Variants in ARIH1 observed in about 807,000 individuals in gnomAD.
ARIH1 encodes E3 ubiquitin-protein ligase ARIH1.
Under a neutral mutation model 85.0 loss-of-function variants are expected in ARIH1, and 8 were observed. The ratio of observed to expected loss-of-function variants is 0.09; its 90% CI spans 0.06 to 0.17. The LOEUF (loss-of-function observed/expected upper bound fraction) is 0.17, where lower values mean the gene tolerates loss of function less well. Ranked by LOEUF, ARIH1 falls within the 10% of genes least tolerant of loss-of-function variation. The pLI, the probability that ARIH1 is intolerant of heterozygous loss-of-function variation, is 1.00. For missense variants in ARIH1, 311 were observed against 718.1 expected, an observed-to-expected ratio of 0.43 and a Z score of 6.48; for synonymous variants, 238 against 253.6, an observed-to-expected ratio of 0.94 and a Z score of 0.59.
intron 3 of ARIH1, among the ~76,000 whole-genome samples, chr15:72,549,110 CA>C (rs2064142141): frequency 1.4e-5 from 2 of 142,100 alleles, no homozygotes; most frequent in South Asian, 4.4e-4. Context: ...TTTTTTGAGG[CA>C]GAGCCTTGCT....
In ARIH1 at chr15:72,584,334, A is replaced by T. The variant is rs888413683; in HGVS notation, c.*1042A>T. The T allele has an allele frequency of 6.6e-6, 1 of 152,144 alleles. No individual in the cohort carries two copies. Among genetic ancestry groups the T allele is most frequent in the Admixed American group, 6.5e-5 (1 of 15,280 alleles). The allele number at this position is 152,144 out of a possible 1,614,324, so 9.4% of individuals were successfully genotyped here. On this transcript the variant is annotated 3_prime_UTR_variant, in exon 14 of 14. Coordinates refer to ENST00000379887, the MANE Select transcript of ARIH1 (RefSeq NM_005744.5). The stretch of plus-strand genomic sequence containing the variant: ...TCCCCCTCCATGGCATCATGCCTCT[A>T]CCCAAGCCTTTGTGTGCCCATGTTA...
At position 72,474,684 on chromosome 15, in the gene ARIH1, G is replaced by C; in HGVS notation, c.45G>C (p.Glu15Asp). The change falls in exon 1 of 14, where the codon GAG becomes GAC. Residue 15 changes from glutamate (E) to aspartate (D), a missense_variant. This residue lies in a region of ARIH1 where 157 missense variants were observed against 185.1 expected (regional missense o/e 0.85). Transcript: ENST00000379887. ...ACAACTACGAGTTCGACGAGGACGA[G>C]GAGTGCAGTGAGGAGGACAGCGGCG... is the stretch of plus-strand genomic sequence containing the variant. ...EGYNYEFDED[E>D]ECSEEDSGAE... 3 of 1,576,592 alleles carry C rather than the reference G, an allele frequency of 1.9e-6. No individual in the cohort carries two copies. The East Asian group carries it at 7.4e-5, about 39-fold the overall frequency.
At chr15:72,508,787 G>A (rs897876952) in intron 1 of ARIH1, among the ~76,000 whole-genome samples, 4 of 150,462 alleles carry the variant, frequency 2.7e-5, no homozygotes, top group African/African-American at 9.8e-5. Context: ...TCCACGTCCC[G>A]GGTTCAAGCA....
In ARIH1 at chr15:72,504,270, G is replaced by T. The variant is rs570874111; in HGVS notation, c.376-13797G>T. On this transcript the variant is annotated intron_variant, in intron 1 of 13. Coordinates refer to ENST00000379887, the MANE Select transcript of ARIH1 (RefSeq NM_005744.5). ...GCGTTTTGCCATGTTGGCCAGGCTGGACTCGAGCTTCTGACCTCAGGTTAA... is the reference window on the plus strand; with the variant it reads ...GCGTTTTGCCATGTTGGCCAGGCTGTACTCGAGCTTCTGACCTCAGGTTAA... Among the ~76,000 whole-genome samples, 7 of 152,192 alleles carry T rather than the reference G, an allele frequency of 4.6e-5. No homozygotes were observed. In the East Asian group the frequency reaches 1.2e-3, roughly 25 times the overall value.
chr15:72,537,638 A>G (rs766226537), intron 2 of ARIH1, among the ~76,000 whole-genome samples: 26 of 152,126 alleles, frequency 1.7e-4, no homozygotes, highest in African/African-American at 4.8e-4. Context: ...CTCCTTTGAC[A>G]TTTTCCCTTA....
At chr15:72,522,382 T>C (rs975889656) in intron 2 of ARIH1, among the ~76,000 whole-genome samples, 5 of 152,082 alleles carry the variant, frequency 3.3e-5, no homozygotes, top group African/African-American at 1.2e-4. Context: ...GGCGTGGTGA[T>C]GGACACCTGT....
intron 1 of ARIH1, among the ~76,000 whole-genome samples, chr15:72,512,071 A>G (rs1305842416): frequency 2.0e-5 from 3 of 152,068 alleles, no homozygotes; most frequent in Non-Finnish European, 2.9e-5. Context: ...TGTATTTCCT[A>G]ATATTTCATT....
In ARIH1 at chr15:72,594,191, C is replaced by G. The variant is rs1328632989; in HGVS notation, c.*10899C>G. The G allele has an allele frequency of 1.4e-5, 2 of 141,342 alleles. No homozygotes were observed. Among genetic ancestry groups the G allele is most frequent in the Non-Finnish European group, 3.1e-5 (2 of 65,556 alleles). 8.8% of individuals were successfully genotyped at this position (141,342 alleles called of 1,614,324 possible). ...TTTTTTTCTTTTTTTTTTTTTGAGA[C>G]GGAGTTTTGCTCTTGTTGGCTAGGC... On this transcript the variant is annotated 3_prime_UTR_variant, in exon 14 of 14. Transcript: ENST00000379887.
intron 1 of ARIH1, among the ~76,000 whole-genome samples, chr15:72,501,185 C>CT (rs2063901925): frequency 1.3e-5 from 2 of 152,108 alleles, no homozygotes; most frequent in African/African-American, 4.8e-5. Flanking sequence ...ATATTTTTGT[C>CT]TAATTCAAGA....
At chr15:72,505,028 A>G (rs2063918900) in intron 1 of ARIH1, among the ~76,000 whole-genome samples, 1 of 152,206 alleles carries the variant, frequency 6.6e-6, no homozygotes, top group Admixed American at 6.5e-5. Flanking sequence ...GAATTTGGAA[A>G]TGAAACCATT....
intron 2 of ARIH1, among the ~76,000 whole-genome samples, chr15:72,537,410 A>G (rs929233138): frequency 6.6e-6 from 1 of 152,158 alleles, no homozygotes; most frequent in Non-Finnish European, 1.5e-5. Flanking sequence ...TAGTTTCCCA[A>G]GAGTTATAAA....
chr15:72,488,550 T>C (rs2140394937), intron 1 of ARIH1, among the ~76,000 whole-genome samples: 2 of 152,334 alleles, frequency 1.3e-5, no homozygotes, highest in South Asian at 4.1e-4. Context: ...GATATAGCTA[T>C]CCCTATATCC....
At chr15:72,514,748 G>A (rs2063966971) in intron 1 of ARIH1, among the ~76,000 whole-genome samples, 1 of 151,956 alleles carries the variant, frequency 6.6e-6, no homozygotes, top group South Asian at 2.1e-4. Flanking sequence ...GCTCATGCCT[G>A]TAATCCCAGC....
chr15:72,518,251 T>G, intron 2 of ARIH1, 117 bp downstream of exon 2: 1 of 757,120 alleles, frequency 1.3e-6, no homozygotes, highest in Non-Finnish European at 2.1e-6. Context: ...GACAACCCAG[T>G]GTGCAACTAG....
At chr15:72,545,228 A>G (rs746724817) in intron 3 of ARIH1, among the ~76,000 whole-genome samples, 5 of 152,198 alleles carry the variant, frequency 3.3e-5, no homozygotes, top group East Asian at 1.9e-4. Context: ...AGTTTATTCT[A>G]TCACCATGGG....
chr15:72,531,809 T>G (rs1341007677), intron 2 of ARIH1, among the ~76,000 whole-genome samples: 1 of 152,216 alleles, frequency 6.6e-6, no homozygotes, highest in African/African-American at 2.4e-5. Context: ...ATAAACAGTA[T>G]GTTTTAATTA....
intron 2 of ARIH1, among the ~76,000 whole-genome samples, chr15:72,532,860 C>A (rs1018223067): frequency 1.3e-5 from 2 of 152,188 alleles, no homozygotes; most frequent in African/African-American, 4.8e-5. Context: ...TTCAGAGATG[C>A]CAAGGAGCCT....
At chr15:72,479,223 A>T (rs1372449917) in intron 1 of ARIH1, among the ~76,000 whole-genome samples, 1 of 152,164 alleles carries the variant, frequency 6.6e-6, no homozygotes, top group African/African-American at 2.4e-5. Context: ...AAGTATAATT[A>T]AATATTCCAA....
intron 2 of ARIH1, among the ~76,000 whole-genome samples, chr15:72,538,018 T>C (rs534437268): frequency 6.6e-6 from 1 of 152,312 alleles, no homozygotes; most frequent in Admixed American, 6.5e-5. Context: ...TGCAAATGTA[T>C]AATGGAAGCA....
Sources: gnomAD v4.1 joint callset for allele counts (sites outside exome capture counted in the v4.1 genomes callset) on GRCh38, gnomAD v4.1.1 for gene constraint, gnomAD v4.1.1 regional missense constraint, MANE v1.5 for transcripts, NCBI Gene and HGNC (gene_info 2026-07-23, HGNC 2026-07-21) for gene names.